AEBP2: variants seen among roughly 807,000 people sequenced by gnomAD.
AEBP2 encodes AE binding protein 2.
AEBP2 carries 10 observed loss-of-function variants against 50.8 expected under a neutral mutation model. The ratio of observed to expected loss-of-function variants is 0.20; its 90% CI spans 0.12 to 0.33. The LOEUF (loss-of-function observed/expected upper bound fraction) is 0.33, where lower values mean the gene tolerates loss of function less well. AEBP2 is among the 10% of genes least tolerant of loss of function. The pLI, the probability that AEBP2 is intolerant of heterozygous loss-of-function variation, is 1.00. For synonymous variants in AEBP2, 296 were observed against 261.3 expected (o/e 1.13, Z -1.28); for missense variants, 570 against 688.0 (o/e 0.83, Z 1.92).
rs73337365 is a variant in AEBP2 at position 19,466,533 on chromosome 12, C to G, written c.879+3816C>G. ...CCTTATTGTGTAATCGCCACCCGCT[C>G]TCTGTCTCCAGAACTTGTAAATTAT... is the stretch of plus-strand genomic sequence containing the variant. On this transcript the variant is annotated intron_variant, in intron 2 of 7. Coordinates refer to ENST00000266508, the MANE Select transcript of AEBP2 (RefSeq NM_153207.5). 5.2e-3 allele frequency among the ~76,000 whole-genome samples: 790 copies of G among 152,332 alleles called. 6 individuals are homozygous for G. Among genetic ancestry groups the G allele is most frequent in the African/African-American group, 0.015 (614 of 41,582 alleles).
intron 1 of AEBP2, among the ~76,000 whole-genome samples, chr12:19,423,603 A>G (rs1279404225): frequency 1.3e-5 from 2 of 152,232 alleles, no homozygotes; most frequent in Non-Finnish European, 2.9e-5. Context: ...CCACTTATAT[A>G]AATCAGCGGA....
At chr12:19,418,493 T>C (rs1364798949) in intron 1 of AEBP2, among the ~76,000 whole-genome samples, 1 of 146,290 alleles carries the variant, frequency 6.8e-6, no homozygotes, top group African/African-American at 2.5e-5. Context: ...GGCCAGCTAA[T>C]ATGCTGAGAT....
intron 1 of AEBP2, among the ~76,000 whole-genome samples, chr12:19,455,726 CTAGA>C: frequency 6.6e-6 from 1 of 152,260 alleles, no homozygotes; most frequent in Non-Finnish European, 1.5e-5. Flanking sequence ...AACTGGTCTG[CTAGA>C]TAGTTTCTAA....
At chr12:19,425,314 T>A (rs908318839) in intron 1 of AEBP2, among the ~76,000 whole-genome samples, 1 of 152,228 alleles carries the variant, frequency 6.6e-6, no homozygotes, top group African/African-American at 2.4e-5. Flanking sequence ...TATAACATCA[T>A]GCTAGCTGGT....
chr12:19,462,474 TC>T, intron 1 of AEBP2, 35 bp from the exon 2 acceptor site: 1 of 1,518,588 alleles, frequency 6.6e-7, no homozygotes, highest in Non-Finnish European at 9.0e-7. Flanking sequence ...TTAGTGAATT[TC>T]TAGGAATAAC....
intron 5 of AEBP2, among the ~76,000 whole-genome samples, chr12:19,509,615 G>T (rs538261790): frequency 1.3e-5 from 2 of 152,132 alleles, no homozygotes; most frequent in East Asian, 3.9e-4. Context: ...AGGCGTAGTG[G>T]CTGCGCCTGT....
chr12:19,409,198 A>C (rs574729509), intron 1 of AEBP2, among the ~76,000 whole-genome samples: 1 of 152,278 alleles, frequency 6.6e-6, no homozygotes, highest in Admixed American at 6.5e-5. Flanking sequence ...TTCCTGCATC[A>C]TTTAATCTAC....
At chr12:19,445,798 C>A (rs11044563) in intron 1 of AEBP2, among the ~76,000 whole-genome samples, 3,424 of 152,236 alleles carry the variant, frequency 0.022, 49 homozygotes, top group East Asian at 0.043. Flanking sequence ...TTTTCTATGA[C>A]TGTTCTGTGG....
chr12:19,505,232 A>G (rs1030035122), intron 5 of AEBP2, among the ~76,000 whole-genome samples: 1 of 152,174 alleles, frequency 6.6e-6, no homozygotes, highest in Non-Finnish European at 1.5e-5. Context: ...TAGGTCTGTA[A>G]TACAGATTTT....
In AEBP2 at chr12:19,467,653, A is replaced by G. The variant is rs372794727; in HGVS notation, c.879+4936A>G. On this transcript the variant is annotated intron_variant, in intron 2 of 7. Transcript: ENST00000266508. Reference sequence around the variant, plus strand: ...AGATTAGACTCTGAGTTATCTTACTAATCGAATTTCAAATCCCAGTGTCCT... The same window carrying G: ...AGATTAGACTCTGAGTTATCTTACTGATCGAATTTCAAATCCCAGTGTCCT... 7.9e-5 allele frequency among the ~76,000 whole-genome samples: 12 copies of G among 152,302 alleles called. No homozygotes were observed. The South Asian group carries it at 1.2e-3, about 16-fold the overall frequency.
intron 1 of AEBP2, among the ~76,000 whole-genome samples, chr12:19,409,101 C>T (rs1318478950): frequency 1.3e-5 from 2 of 151,956 alleles, no homozygotes; most frequent in African/African-American, 4.8e-5. Context: ...CCCAAAAGAA[C>T]CCAACTTGAC....
rs768115243 is a variant in AEBP2, at chr12:19,469,502, C to G, written c.880-3746C>G. On this transcript the variant is annotated intron_variant, in intron 2 of 7. Coordinates refer to ENST00000266508, the MANE Select transcript of AEBP2 (RefSeq NM_153207.5). Reference sequence around the variant, plus strand: ...CAAAGTGAAAGAACTGGATTGAATTCAGTTTAGCAGTGGCATGATCTTAGC... The same window carrying G: ...CAAAGTGAAAGAACTGGATTGAATTGAGTTTAGCAGTGGCATGATCTTAGC... Among the ~76,000 whole-genome samples, 54 of 152,278 alleles carry G rather than the reference C, an allele frequency of 3.5e-4. 1 individual carries two copies. The highest frequency in any genetic ancestry group is 2.6e-4 in the Non-Finnish European group (18 of 68,034).
chr12:19,428,462 A>C (rs2095749730), intron 1 of AEBP2, among the ~76,000 whole-genome samples: 1 of 152,178 alleles, frequency 6.6e-6, no homozygotes, highest in Non-Finnish European at 1.5e-5. Flanking sequence ...AGGAGATAGG[A>C]ATCAGACACA....
intron 3 of AEBP2, among the ~76,000 whole-genome samples, chr12:19,491,198 G>A (rs1204771953): frequency 6.6e-6 from 1 of 152,142 alleles, no homozygotes; most frequent in East Asian, 1.9e-4. Flanking sequence ...CTCAAAATAT[G>A]TGTGGTAAAA....
intron 1 of AEBP2, chr12:19,440,635 A>G (rs1287239214): frequency 5.3e-6 from 8 of 1,522,310 alleles, no homozygotes; most frequent in Non-Finnish European, 7.0e-6. Context: ...CACGGACCTC[A>G]GGACGGCTCT....
chr12:19,422,599 C>T (rs1173429494), intron 1 of AEBP2, among the ~76,000 whole-genome samples: 2 of 151,854 alleles, frequency 1.3e-5, no homozygotes, highest in Non-Finnish European at 2.9e-5. Flanking sequence ...CGGATTCAAG[C>T]GATTCTCCTG....
At chr12:19,425,632 G>C (rs1695922457) in intron 1 of AEBP2, among the ~76,000 whole-genome samples, 1 of 151,870 alleles carries the variant, frequency 6.6e-6, no homozygotes, top group Non-Finnish European at 1.5e-5. Context: ...AATTAGCCGG[G>C]TATGATGGCA....
At chr12:19,499,699 T>G (rs1017034364) in intron 4 of AEBP2, among the ~76,000 whole-genome samples, 4 of 152,172 alleles carry the variant, frequency 2.6e-5, no homozygotes, top group Non-Finnish European at 4.4e-5. Context: ...CACAAAATGT[T>G]CACAAAATTT....
At chr12:19,470,953 G>A (rs1357875368) in intron 2 of AEBP2, among the ~76,000 whole-genome samples, 1 of 152,136 alleles carries the variant, frequency 6.6e-6, no homozygotes, top group Non-Finnish European at 1.5e-5. Context: ...TTACGTATTA[G>A]GTTGGTGCAC....
Sources: allele counts gnomAD v4.1 joint callset (sites outside exome capture counted in the v4.1 genomes callset), GRCh38; gene constraint gnomAD v4.1.1; transcripts MANE v1.5; gene names NCBI Gene and HGNC (gene_info 2026-07-23, HGNC 2026-07-21).